WDR86: variants seen among roughly 807,000 people sequenced by gnomAD.
WDR86 encodes the protein WD repeat domain 86, also known as WD repeat-containing protein 86.
WDR86 carries 30 observed loss-of-function variants against 36.5 expected under a neutral mutation model. The observed-to-expected ratio is 0.82, with a 90% confidence interval of 0.61 to 1.11. WDR86 has a LOEUF of 1.11. Ranked by LOEUF, WDR86 falls within the 50% of genes most tolerant of loss-of-function variation. WDR86 has a pLI of 0.00. For missense variants in WDR86, 545 were observed against 561.2 expected, an observed-to-expected ratio of 0.97 and a Z score of 0.29; for synonymous variants, 255 against 252.9, an observed-to-expected ratio of 1.01 and a Z score of -0.08.
downstream of WDR86, chr7:151,376,167 C>A (rs191846760): frequency 2.1e-4 from 110 of 528,108 alleles, no homozygotes; most frequent in African/African-American, 1.1e-3. Context: ...AGGAAGTTCT[C>A]TTTAGGTTTG....
chr7:151,382,029 C>A (rs760116978), intron 4 of WDR86, 48 bp from the exon 5 acceptor site: 1 of 1,524,222 alleles, frequency 6.6e-7, no homozygotes, highest in African/African-American at 1.4e-5. Flanking sequence ...CTCGGCCCCC[C>A]GCAAGCAGGG....
chr7:151,375,335 T>C (rs1326586774), downstream of WDR86, among the ~76,000 whole-genome samples: 2 of 152,170 alleles, frequency 1.3e-5, no homozygotes, highest in Non-Finnish European at 2.9e-5. Flanking sequence ...AAAATAGATG[T>C]GAATTATACG....
intron 2 of WDR86, among the ~76,000 whole-genome samples, chr7:151,398,409 A>G (rs900511136): frequency 8.9e-6 from 1 of 112,426 alleles, no homozygotes; most frequent in African/African-American, 3.2e-5. Flanking sequence ...GTGTATATGT[A>G]TGTTGTGCGT....
intron 2 of WDR86, among the ~76,000 whole-genome samples, chr7:151,397,195 G>A (rs535594699): frequency 4.6e-5 from 7 of 152,268 alleles, no homozygotes; most frequent in African/African-American, 9.6e-5. Context: ...GACCACGGCC[G>A]GCCCTGCTGC....
At chr7:151,394,077 C>T (rs139301256) in intron 3 of WDR86, among the ~76,000 whole-genome samples, 34 of 152,268 alleles carry the variant, frequency 2.2e-4, no homozygotes, top group African/African-American at 7.2e-4. Context: ...GAAACCTGTG[C>T]GGACAGACCC....
chr7:151,376,080 C>G, exon 2 of WDR86: 1 of 676,506 alleles, frequency 1.5e-6, no homozygotes, highest in Non-Finnish European at 2.7e-6. Context: ...TGTAACCTGC[C>G]CACCTCAGAG....
Position 151,390,414 on chromosome 7 carries a change from C to T in WDR86, c.727-5191G>A, listed in dbSNP as rs767696471. 3.0e-4 allele frequency among the ~76,000 whole-genome samples: 45 copies of T among 152,238 alleles called. No homozygotes were observed. The highest frequency in any genetic ancestry group is 5.9e-4 in the Admixed American group (9 of 15,292). ...CAGGAAGCCTCCGGAAGTTGCACAG[C>T]GTCCTGACGCTGTGGGCAGAGGGGA... On this transcript the variant is annotated intron_variant, in intron 3 of 5. Transcript: ENST00000334493. The surrounding 1 kb of genome is among the most constrained non-coding windows in gnomAD (Gnocchi z 4.5).
chr7:151,401,531 G>A lies in WDR86; in HGVS notation c.164-1290C>T, dbSNP rs561805266. On this transcript the variant is annotated intron_variant, in intron 1 of 5. Transcript: ENST00000334493. This position sits in a 1 kb window ranked among gnomAD's most constrained non-coding sequence, Gnocchi z 4.3. ...CAATGCCTGCCTCACGGGATGTAGC[G>A]CAGACTGAGGACAGAGGCAGCCGCA... Among the ~76,000 whole-genome samples the A allele has an allele frequency of 1.9e-4, 29 of 152,248 alleles. No homozygotes were observed. In the East Asian group the frequency reaches 2.9e-3, roughly 15 times the overall value.
At chr7:151,394,731 A>C (rs1799684351) in intron 3 of WDR86, among the ~76,000 whole-genome samples, 1 of 152,194 alleles carries the variant, frequency 6.6e-6, no homozygotes, top group African/African-American at 2.4e-5. Context: ...TCCCTACCAC[A>C]AGCCCACGGA....
At position 151,409,533 on chromosome 7, in the gene WDR86, G is replaced by A. The variant is rs1339435148; in HGVS notation, c.57C>T (p.Asn19=). 2 of 1,526,052 alleles carry A rather than the reference G, an allele frequency of 1.3e-6. No homozygotes were observed. Among genetic ancestry groups the A allele is most frequent in the African/African-American group, 2.8e-5 (2 of 72,602 alleles). The allele number at this position is 1,526,052 out of a possible 1,614,324, so 94.5% of individuals were successfully genotyped here. The part of the protein sequence containing the change: ...RVCADHRGGI[N]WLSLSPDGQR... ...GCCCGTCGGGGCTCAGGCTCAGCCA[G>A]TTGATGCCCCCGCGGTGGTCGGCGC... is the stretch of plus-strand genomic sequence containing the variant. Residue 19 remains asparagine, a synonymous_variant, in exon 1 of 6, where the codon AAC becomes AAT. Transcript: ENST00000334493. This position sits in a 1 kb window ranked among gnomAD's most constrained non-coding sequence, Gnocchi z 5.2.
At chr7:151,376,385 G>A (rs1798250456), downstream of WDR86, 1 of 522,852 alleles carries the variant, frequency 1.9e-6, no homozygotes, top group Non-Finnish European at 3.4e-6. Context: ...GTGGCGCCCT[G>A]CTCTCAGCCC....
At chr7:151,377,149 TG>T (rs1376378609), downstream of WDR86, 2 of 1,590,022 alleles carry the variant, frequency 1.3e-6, no homozygotes, top group East Asian at 4.5e-5. Flanking sequence ...GACTCAACTC[TG>T]GAAGATGAAG....
chr7:151,403,840 G>T (rs75511567), intron 1 of WDR86, among the ~76,000 whole-genome samples: 3,485 of 152,306 alleles, frequency 0.023, 138 homozygotes, highest in African/African-American at 0.08. Flanking sequence ...GCTCAGCAGA[G>T]AGATTGCGGC....
intron 2 of WDR86, among the ~76,000 whole-genome samples, chr7:151,398,927 T>A (rs772761170): frequency 4.0e-5 from 6 of 151,488 alleles, no homozygotes; most frequent in Non-Finnish European, 8.8e-5. Flanking sequence ...CCAGCCCTAC[T>A]CTCTTCTTTC....
intron 3 of WDR86, among the ~76,000 whole-genome samples, chr7:151,392,805 T>G (rs1459472683): frequency 6.6e-6 from 1 of 152,204 alleles, no homozygotes; most frequent in Non-Finnish European, 1.5e-5. Flanking sequence ...CGAGACCTAG[T>G]GGTCCTGAGA....
At chr7:151,376,729 C>T (rs749991383), downstream of WDR86, 55 of 1,604,522 alleles carry the variant, frequency 3.4e-5, no homozygotes, top group East Asian at 9.0e-5. Context: ...TTGCTCACAA[C>T]GGAGGAAGCC....
At chr7:151,394,039 A>G (rs1799629721) in intron 3 of WDR86, among the ~76,000 whole-genome samples, 3 of 152,196 alleles carry the variant, frequency 2.0e-5, no homozygotes, top group Non-Finnish European at 4.4e-5. Context: ...AAACATTCTT[A>G]TCACCAGAGG....
chr7:151,402,070 A>AAAATATATATATATATATATATATATAT, intron 1 of WDR86, among the ~76,000 whole-genome samples: 1 of 50,558 alleles, frequency 2.0e-5, no homozygotes, highest in African/African-American at 1.2e-4. Flanking sequence ...AAAAAAAAAA[A>AAAATATATATATATATATATATATATAT]ATATATATAT....
At chr7:151,375,943 A>C in exon 2 of WDR86, 1 of 1,599,808 alleles carries the variant, frequency 6.3e-7, no homozygotes, top group East Asian at 2.2e-5. Flanking sequence ...ACATTGACCG[A>C]GTGAGTGACA....
Sources: gnomAD v4.1 joint callset for allele counts (sites outside exome capture counted in the v4.1 genomes callset) on GRCh38, gnomAD v4.1.1 for gene constraint, Gnocchi (gnomAD v3.1) non-coding constraint, MANE v1.5 for transcripts, NCBI Gene and HGNC (gene_info 2026-07-23, HGNC 2026-07-21) for gene names.